The following C11orf65 variants were observed in gnomAD, a reference collection of about 807,000 sequenced individuals.
C11orf65 encodes protein MFI.
C11orf65 carries 38 observed loss-of-function variants against 35.3 expected under a neutral mutation model. That is an observed-to-expected ratio of 1.08 (90% CI 0.83 to 1.41). The LOEUF is 1.41. C11orf65 is among the 40% of genes most tolerant of loss of function. The pLI, the probability that C11orf65 is intolerant of heterozygous loss-of-function variation, is 0.00. For missense variants in C11orf65, 370 were observed against 367.1 expected (o/e 1.01, Z -0.06); for synonymous variants, 105 against 114.4 (o/e 0.92, Z 0.53).
chr11:108,388,370 T>C (rs966420224), intron 7 of C11orf65, among the ~76,000 whole-genome samples: 2 of 152,224 alleles, frequency 1.3e-5, no homozygotes, highest in African/African-American at 4.8e-5. Flanking sequence ...AGCACTACCA[T>C]GCTGTTTATA....
In C11orf65 at chr11:108,403,423, T is replaced by TTG. The variant is rs1182585900; in HGVS notation, c.560+2005_560+2006insCA. 6.0e-5 allele frequency among the ~76,000 whole-genome samples: 9 copies of TTG among 149,986 alleles called. No individual in the cohort carries two copies. The East Asian group carries it at 1.6e-3, about 26-fold the overall frequency. Reference sequence around the variant, plus strand: ...TTGTTTGAGAGGTTTTTTTTTTGTTTTTTTTTTTTTTACATATTCTTGATT... The same window carrying TTG: ...TTGTTTGAGAGGTTTTTTTTTTGTTTTGTTTTTTTTTTTACATATTCTTGATT... On this transcript the variant is annotated intron_variant, in intron 6 of 8. Coordinates refer to ENST00000393084, the MANE Select transcript of C11orf65 (RefSeq NM_152587.5).
rs184364435 is a variant in C11orf65, at chr11:108,396,167, A to G, written c.561-2789T>C. On this transcript the variant is annotated intron_variant, in intron 6 of 8. Transcript: ENST00000393084. ...GAGTGCAGTGGCACGATCTTGGCTC[A>G]CTGTAACCTCTGCCTCCTGGGTTCA... 1.8e-3 allele frequency among the ~76,000 whole-genome samples: 275 copies of G among 152,198 alleles called. 2 individuals are homozygous for G. The highest frequency in any genetic ancestry group is 6.4e-3 in the African/African-American group (265 of 41,558).
At chr11:108,357,647 G>A (rs1262964470) in intron 2 of C11orf65, among the ~76,000 whole-genome samples, 16 of 152,156 alleles carry the variant, frequency 1.1e-4, no homozygotes, top group Non-Finnish European at 1.3e-4. Context: ...CCTGACCCCC[G>A]AGCAGCCTAA....
intron 2 of C11orf65, among the ~76,000 whole-genome samples, chr11:108,433,196 C>T (rs1009193299): frequency 6.6e-6 from 1 of 151,412 alleles, no homozygotes; most frequent in Non-Finnish European, 1.5e-5. Context: ...ATGGCTCACG[C>T]CTGTAATCCC....
At chr11:108,457,315 C>A (rs1461278608) in intron 2 of C11orf65, among the ~76,000 whole-genome samples, 5 of 151,858 alleles carry the variant, frequency 3.3e-5, no homozygotes, top group African/African-American at 1.2e-4. Flanking sequence ...TATTTAGAAG[C>A]ATGGAAGTAA....
chr11:108,354,027 G>A, intron 2 of C11orf65: 1 of 580,056 alleles, frequency 1.7e-6, no homozygotes, highest in Non-Finnish European at 3.2e-6. Flanking sequence ...TCCAGCCTAG[G>A]CAATACAGCA....
At chr11:108,422,952 T>C (rs534051870) in intron 3 of C11orf65, among the ~76,000 whole-genome samples, 1 of 151,984 alleles carries the variant, frequency 6.6e-6, no homozygotes, top group South Asian at 2.1e-4. Context: ...ACTGCAGATC[T>C]AAGTATAAAA....
At chr11:108,327,590 T>G (rs889341906), downstream of C11orf65, 22 of 1,405,660 alleles carry the variant, frequency 1.6e-5, no homozygotes, top group Non-Finnish European at 2.0e-5. Flanking sequence ...TGAAGGGCAG[T>G]TGGGTACAGT....
chr11:108,442,595 A>G (rs961658448), intron 2 of C11orf65, among the ~76,000 whole-genome samples: 2 of 152,232 alleles, frequency 1.3e-5, no homozygotes, highest in South Asian at 2.1e-4. Flanking sequence ...GTTACCCACA[A>G]AGGGAAACCC....
chr11:108,319,853 A>T, intron 6 of C11orf65: 1 of 797,568 alleles, frequency 1.3e-6, no homozygotes, highest in Non-Finnish European at 2.1e-6. Context: ...AGAATGGAGA[A>T]ATGTTAATTT....
Position 108,392,788 on chromosome 11 carries a change from A to C in C11orf65, c.731+420T>G, listed in dbSNP as rs535493834. ...TTAAATATTCTAAAATTTCCCCCAC[A>C]CAAGAAATCTTAAAAATGTTTTCTA... is the stretch of plus-strand genomic sequence containing the variant. On this transcript the variant is annotated intron_variant, in intron 7 of 8. Transcript: ENST00000393084. Among the ~76,000 whole-genome samples the C allele has an allele frequency of 3.9e-5, 6 of 152,320 alleles. No individual in the cohort carries two copies. The South Asian group carries it at 1.2e-3, about 32-fold the overall frequency.
chr11:108,329,393 C>A, downstream of C11orf65: 1 of 733,818 alleles, frequency 1.4e-6, no homozygotes, highest in Non-Finnish European at 2.2e-6. Flanking sequence ...CTTTTGGGTT[C>A]TTTTCGGTTT....
downstream of C11orf65, among the ~76,000 whole-genome samples, chr11:108,382,218 G>A (rs2091880609): frequency 6.6e-6 from 1 of 152,168 alleles, no homozygotes; most frequent in Non-Finnish European, 1.5e-5. Flanking sequence ...GATAATAACT[G>A]TTGCTTTAAG....
chr11:108,389,242 C>G (rs1435491590), intron 7 of C11orf65, among the ~76,000 whole-genome samples: 2 of 152,204 alleles, frequency 1.3e-5, no homozygotes, highest in Non-Finnish European at 2.9e-5. Flanking sequence ...TAGAGGTCTA[C>G]AAAGGTCAAA....
chr11:108,334,902 A>G lies in C11orf65; in HGVS notation c.299+318T>C. Reference sequence around the variant, plus strand: ...TTTAATATTAAAATTGCCATTTATAATGTATTTTTCTTTAAGTGCAAATAG... The same window carrying G: ...TTTAATATTAAAATTGCCATTTATAGTGTATTTTTCTTTAAGTGCAAATAG... On this transcript the variant is annotated intron_variant, in intron 3 of 3. Coordinates refer to the C11orf65 transcript ENST00000524755. 2.0e-6 allele frequency: 3 copies of G among 1,524,172 alleles called. No individual in the cohort carries two copies. In the Admixed American group the frequency reaches 5.0e-5, roughly 26 times the overall value. The allele number at this position is 1,524,172 out of a possible 1,614,324, so 94.4% of individuals were successfully genotyped here. A position where few individuals can be genotyped will look rare whatever the true frequency, so the allele number is the denominator to read the frequency against.
chr11:108,462,989 G>C (rs1276127632), intron 1 of C11orf65, among the ~76,000 whole-genome samples: 2 of 152,120 alleles, frequency 1.3e-5, no homozygotes, highest in African/African-American at 4.8e-5. Context: ...AAGCTGGGCA[G>C]GTTGGCACAT....
Position 108,450,789 on chromosome 11 carries a change from A to T in C11orf65, c.81+10690T>A, listed in dbSNP as rs191728432. Among the ~76,000 whole-genome samples the T allele has an allele frequency of 4.5e-3, 684 of 151,650 alleles. 18 individuals carry two copies. The highest frequency in any genetic ancestry group is 0.012 in the African/African-American group (486 of 41,272). ...TAAAGTATAATAATAATAAAATTTT[A>T]AAAAAAAGCCTTATCCACCATGATC... On this transcript the variant is annotated intron_variant, in intron 2 of 8. Coordinates refer to ENST00000393084, the MANE Select transcript of C11orf65 (RefSeq NM_152587.5).
intron 3 of C11orf65, among the ~76,000 whole-genome samples, chr11:108,333,321 AATT>A (rs1433186061): frequency 1.3e-5 from 2 of 152,216 alleles, no homozygotes; most frequent in Non-Finnish European, 2.9e-5. Context: ...GCCATTATTT[AATT>A]ATTATTCTTG....
chr11:108,442,370 T>G (rs967916934), intron 2 of C11orf65, among the ~76,000 whole-genome samples: 16 of 152,126 alleles, frequency 1.1e-4, no homozygotes, highest in Admixed American at 3.3e-4. Context: ...GAAAGTGATG[T>G]GGAGAATGGA....
Sources: allele counts gnomAD v4.1 joint callset (sites outside exome capture counted in the v4.1 genomes callset), GRCh38; gene constraint gnomAD v4.1.1; transcripts MANE v1.5; gene names NCBI Gene and HGNC (gene_info 2026-07-23, HGNC 2026-07-21).